RREB1: variants seen among roughly 807,000 people sequenced by gnomAD.
The protein encoded by RREB1 is ras responsive element binding protein 1.
RREB1 carries 27 observed loss-of-function variants against 117.8 expected under a neutral mutation model. The observed-to-expected ratio is 0.23, with a 90% CI of 0.17 to 0.32. The LOEUF (loss-of-function observed/expected upper bound fraction) is 0.32, where lower values mean the gene tolerates loss of function less well. Among genes scored for constraint, RREB1 ranks in the 10% least tolerant of loss-of-function variants. The pLI, the probability that RREB1 is intolerant of heterozygous loss-of-function variation, is 1.00. For missense variants in RREB1, 2,577 were observed against 2,378.2 expected (o/e 1.08, Z -1.74); for synonymous variants, 1,298 against 1,026.7 (o/e 1.26, Z -5.05).
At chr6:7,162,209 G>T (rs1387395319) in intron 1 of RREB1, among the ~76,000 whole-genome samples, 3 of 151,718 alleles carry the variant, frequency 2.0e-5, no homozygotes, top group African/African-American at 7.3e-5. Context: ...CTAAGTAAGG[G>T]CATTAAAAAA....
Position 7,247,087 on chromosome 6 carries a change from A to G in RREB1, c.4637A>G (p.Asp1546Gly), listed in dbSNP as rs1769128397. The G allele has an allele frequency of 6.2e-7, 1 of 1,613,792 alleles. No homozygotes were observed. Reference protein sequence around the residue: ...AEKRSSEKSDDDKKPKTDSPK... With the variant: ...AEKRSSEKSDGDKKPKTDSPK... ...AAAAGGTCCTCAGAGAAGAGCGACG[A>G]TGACAAGAAACCAAAGACAGACTCC... The change falls in exon 12 of 13, where the codon GAT becomes GGT. Residue 1546 changes from aspartate to glycine, a missense_variant. Transcript: ENST00000379938.
At chr6:7,189,482 G>A (rs1039330223) in intron 6 of RREB1, among the ~76,000 whole-genome samples, 160 bp downstream of exon 6, 2 of 152,126 alleles carry the variant, frequency 1.3e-5, no homozygotes, top group African/African-American at 2.4e-5. Context: ...CTATCTCTGG[G>A]GTATTAGAGG....
intron 1 of RREB1, among the ~76,000 whole-genome samples, chr6:7,137,448 A>C (rs1374760206): frequency 6.6e-6 from 1 of 152,248 alleles, no homozygotes; most frequent in East Asian, 1.9e-4. Context: ...TCAGATGTTT[A>C]CATGCAGGAA....
At chr6:7,150,487 G>A (rs1179338224) in intron 1 of RREB1, among the ~76,000 whole-genome samples, 1 of 152,168 alleles carries the variant, frequency 6.6e-6, no homozygotes, top group African/African-American at 2.4e-5. Flanking sequence ...AACTATAGTT[G>A]TGCATATGCA....
chr6:7,240,361 G>C, intron 10 of RREB1, 77 bp from the exon 11 acceptor site: 1 of 1,241,596 alleles, frequency 8.1e-7, no homozygotes, highest in South Asian at 1.4e-5. Context: ...ATGATCCCAG[G>C]AGAATAAACA....
At chr6:7,115,587 T>C (rs888159771) in intron 1 of RREB1, among the ~76,000 whole-genome samples, 3 of 152,176 alleles carry the variant, frequency 2.0e-5, no homozygotes, top group African/African-American at 7.2e-5. Flanking sequence ...GTCGCACTGA[T>C]GGTGCTCAGG....
At chr6:7,133,223 A>T (rs901732272) in intron 1 of RREB1, among the ~76,000 whole-genome samples, 20 of 152,134 alleles carry the variant, frequency 1.3e-4, no homozygotes, top group African/African-American at 4.6e-4. Context: ...GGCAGGCTTG[A>T]TGTGGAACTC....
intron 1 of RREB1, among the ~76,000 whole-genome samples, chr6:7,175,436 C>T (rs1764451945): frequency 6.6e-6 from 1 of 152,116 alleles, no homozygotes; most frequent in Non-Finnish European, 1.5e-5. Context: ...GGGTCCGTCC[C>T]TGTGGGTTAG....
At chr6:7,117,446 T>G (rs985740066) in intron 1 of RREB1, among the ~76,000 whole-genome samples, 32 of 133,488 alleles carry the variant, frequency 2.4e-4, no homozygotes, top group Non-Finnish European at 3.9e-4. Context: ...GTTTTACTCT[T>G]GTCACCGAGG....
intron 6 of RREB1, among the ~76,000 whole-genome samples, chr6:7,192,434 CCTT>C (rs966336225): frequency 2.6e-5 from 4 of 151,958 alleles, no homozygotes; most frequent in Admixed American, 2.6e-4. Flanking sequence ...CTCAAGTAAT[CCTT>C]CTGCCTCAGC....
At chr6:7,228,205 C>G (rs994178452) in intron 9 of RREB1, among the ~76,000 whole-genome samples, 1 of 152,022 alleles carries the variant, frequency 6.6e-6, no homozygotes, top group African/African-American at 2.4e-5. Flanking sequence ...TGTGTGTGCA[C>G]CCCCCAGGAG....
intron 11 of RREB1, among the ~76,000 whole-genome samples, chr6:7,240,875 T>C (rs1476575582): frequency 6.6e-6 from 1 of 152,174 alleles, no homozygotes; most frequent in Admixed American, 6.5e-5. Flanking sequence ...GTCACCCTCT[T>C]GGCAGAAGAG....
chr6:7,247,322 C>A (rs1000211504), intron 12 of RREB1, 101 bp downstream of exon 12: 2 of 1,007,384 alleles, frequency 2.0e-6, no homozygotes, highest in Non-Finnish European at 2.8e-6. Flanking sequence ...ACCGAGAGAA[C>A]GTTTGCTTAC....
intron 1 of RREB1, among the ~76,000 whole-genome samples, chr6:7,140,002 A>C (rs1398603803): frequency 1.3e-5 from 2 of 152,202 alleles, no homozygotes. Context: ...AGTGTGCTGA[A>C]TGGTTAGCAA....
At chr6:7,217,755 T>A (rs1581553582) in intron 8 of RREB1, 1 of 152,060 alleles carries the variant, frequency 6.6e-6, no homozygotes. Flanking sequence ...ATTTTTTATA[T>A]AAAATTTTAT....
chr6:7,156,838 C>T (rs779654787), intron 1 of RREB1, among the ~76,000 whole-genome samples: 1 of 152,144 alleles, frequency 6.6e-6, no homozygotes, highest in Non-Finnish European at 1.5e-5. Context: ...GTGTACGTAC[C>T]CTGAGTAGGA....
rs370927266 is a variant in RREB1, at chr6:7,190,028, T to C, written c.425+706T>C. ...AAAAAGTTGAGTCACATTTGTTACA[T>C]GTTTATTTCAAAAGAAAACTTTATA... is the stretch of plus-strand genomic sequence containing the variant. On this transcript the variant is annotated intron_variant, in intron 6 of 12. Coordinates refer to ENST00000379938, the MANE Select transcript of RREB1 (RefSeq NM_001003699.4). Among the ~76,000 whole-genome samples the C allele has an allele frequency of 1.2e-4, 18 of 152,350 alleles. No homozygotes were observed. The East Asian group carries it at 3.3e-3, about 28-fold the overall frequency.
intron 1 of RREB1, among the ~76,000 whole-genome samples, chr6:7,114,114 A>C (rs1234574100): frequency 1.3e-5 from 2 of 152,022 alleles, no homozygotes; most frequent in Non-Finnish European, 2.9e-5. Context: ...AGGACTAGCA[A>C]ATTCTTCTTA....
chr6:7,246,353 C>T lies in RREB1; in HGVS notation c.3974-71C>T, dbSNP rs138859181. 1.1e-3 allele frequency: 1,492 copies of T among 1,357,952 alleles called. 5 individuals are homozygous for T. The highest frequency in any genetic ancestry group is 6.2e-3 in the Middle Eastern group (25 of 4,038). 84.1% of individuals were successfully genotyped at this position (1,357,952 alleles called of 1,614,324 possible). A position where few individuals can be genotyped will look rare whatever the true frequency, so the allele number is the denominator to read the frequency against. On this transcript the variant is annotated intron_variant, in intron 11 of 12. Transcript: ENST00000379938. ...TGCTGGCGTGGGTCTAGCCCATTCC[C>T]GGCGACATCCCTGGCATGGGCGTAC... is the stretch of plus-strand genomic sequence containing the variant.
Sources: allele counts gnomAD v4.1 joint callset (sites outside exome capture counted in the v4.1 genomes callset), GRCh38; gene constraint gnomAD v4.1.1; transcripts MANE v1.5; gene names NCBI Gene and HGNC (gene_info 2026-07-23, HGNC 2026-07-21).